Variants in PCDHGB1 observed in about 807,000 individuals in gnomAD.
PCDHGB1 encodes the protein protocadherin gamma-B1.
A neutral mutation model predicts 56.6 loss-of-function variants in PCDHGB1; 34 were observed. The ratio of observed to expected loss-of-function variants is 0.60; its 90% CI spans 0.46 to 0.80. The LOEUF is 0.80. PCDHGB1 is among the 30% of genes least tolerant of loss of function. PCDHGB1 has a pLI of 0.00. For synonymous variants in PCDHGB1, 561 were observed against 505.9 expected (o/e 1.11, Z -1.46); for missense variants, 1,278 against 1,204.6 (o/e 1.06, Z -0.90).
At chr5:141,353,592 A>G (rs748446778) in intron 1 of PCDHGB1, among the ~76,000 whole-genome samples, 1 of 152,200 alleles carries the variant, frequency 6.6e-6, no homozygotes, top group Non-Finnish European at 1.5e-5. Context: ...ATATTTCATA[A>G]TTTTCTTAAC....
chr5:141,351,253 A>G lies in PCDHGB1; in HGVS notation c.993A>G (p.Ile331Met), dbSNP rs570182681. Reference protein sequence around the residue: ...GVHTAHCNVQIEIVDENDNAP... With the variant: ...GVHTAHCNVQMEIVDENDNAP... ...ACACAGCTCACTGTAATGTTCAAAT[A>G]GAAATTGTTGACGAGAATGACAATG... is the stretch of plus-strand genomic sequence containing the variant. The change falls in exon 1 of 4, where the codon ATA (isoleucine) becomes ATG (methionine). Residue 331 changes from isoleucine (I) to methionine (M), a missense_variant. By Grantham distance (10) the Ile-to-Met change is conservative (BLOSUM62 1). Coordinates refer to ENST00000523390, the MANE Select transcript of PCDHGB1 (RefSeq NM_018922.3). The G allele has an allele frequency of 6.2e-6, 10 of 1,614,014 alleles. No homozygotes were observed. In the South Asian group the frequency reaches 1.1e-4, roughly 18 times the overall value.
intron 1 of PCDHGB1, chr5:141,414,450 A>C (rs759840643): frequency 9.3e-6 from 15 of 1,613,772 alleles, no homozygotes. Context: ...ACAATATCAC[A>C]GTGACAGCCA....
intron 1 of PCDHGB1, chr5:141,400,231 G>C: frequency 6.2e-7 from 1 of 1,613,988 alleles, no homozygotes; most frequent in South Asian, 1.1e-5. Context: ...CTTCCTCCTG[G>C]CCGTGATTCT....
intron 1 of PCDHGB1, among the ~76,000 whole-genome samples, chr5:141,437,505 A>G (rs1429147239): frequency 6.6e-6 from 1 of 152,204 alleles, no homozygotes; most frequent in Non-Finnish European, 1.5e-5. Context: ...TTTTCAATGA[A>G]TTATAAGGCT....
chr5:141,431,222 C>T lies in PCDHGB1; in HGVS notation c.2410-63585C>T. On this transcript the variant is annotated intron_variant, in intron 1 of 3. Transcript: ENST00000523390. The surrounding 1 kb of genome is among the most constrained non-coding windows in gnomAD (Gnocchi z 4.8). ...AGCCACTGAGATGCGGTTCCCTCTA[C>T]CCCACGCCTGGGATCCGGATATCGG... The T allele has an allele frequency of 6.2e-7, 1 of 1,614,170 alleles. No individual in the cohort carries two copies. Among genetic ancestry groups the T allele is most frequent in the South Asian group, 1.1e-5 (1 of 91,090 alleles).
At position 141,485,930 on chromosome 5, in the gene PCDHGB1, G is replaced by C; in HGVS notation, c.2410-8877G>C. ...ATCCAGCTACAGGATTAGTGTGTTGGAGAGCGCACCAGCGGGCATGGTGCT... is the reference window on the plus strand; with the variant it reads ...ATCCAGCTACAGGATTAGTGTGTTGCAGAGCGCACCAGCGGGCATGGTGCT... On this transcript the variant is annotated intron_variant, in intron 1 of 3. Coordinates refer to ENST00000523390, the MANE Select transcript of PCDHGB1 (RefSeq NM_018922.3). The surrounding 1 kb of genome is among the most constrained non-coding windows in gnomAD (Gnocchi z 5.7). 6.2e-7 allele frequency: 1 copy of C among 1,614,178 alleles called. No homozygotes were observed. The highest frequency in any genetic ancestry group is 8.5e-7 in the Non-Finnish European group (1 of 1,180,042).
At chr5:141,469,569 G>A (rs975304006) in intron 1 of PCDHGB1, among the ~76,000 whole-genome samples, 1 of 152,122 alleles carries the variant, frequency 6.6e-6, no homozygotes, top group Non-Finnish European at 1.5e-5. Flanking sequence ...GTGAGACTCT[G>A]TCTCTAAATA....
At chr5:141,408,410 G>C (rs1329403051) in intron 1 of PCDHGB1, 1 of 1,613,932 alleles carries the variant, frequency 6.2e-7, no homozygotes, top group African/African-American at 1.3e-5. Flanking sequence ...GCGAGTGAGC[G>C]CGGAGAAGCT....
At position 141,477,107 on chromosome 5, in the gene PCDHGB1, C is replaced by A. The variant is rs1431445150; in HGVS notation, c.2410-17700C>A. ...CCAGGCCAAAGACAAGGGCGCCAAT[C>A]CCGAAGGAGCACATTGCAAAGTGTT... On this transcript the variant is annotated intron_variant, in intron 1 of 3. Coordinates refer to ENST00000523390, the MANE Select transcript of PCDHGB1 (RefSeq NM_018922.3). This position sits in a 1 kb window ranked among gnomAD's most constrained non-coding sequence, Gnocchi z 4.9. 1 of 1,614,252 alleles carries A rather than the reference C, an allele frequency of 6.2e-7. No homozygotes were observed. The highest frequency in any genetic ancestry group is 8.5e-7 in the Non-Finnish European group (1 of 1,180,048).
chr5:141,362,137 C>T (rs1458069955), intron 1 of PCDHGB1: 1 of 1,614,034 alleles, frequency 6.2e-7, no homozygotes, highest in Admixed American at 1.7e-5. Flanking sequence ...CGCGGATAGC[C>T]TGCAAGAGGT....
chr5:141,463,938 T>A (rs1378018670), intron 1 of PCDHGB1, among the ~76,000 whole-genome samples: 3 of 152,168 alleles, frequency 2.0e-5, no homozygotes, highest in Non-Finnish European at 4.4e-5. Context: ...TATAAATTTA[T>A]AGAAATCTTC....
At chr5:141,444,125 C>A (rs1459174213) in intron 1 of PCDHGB1, among the ~76,000 whole-genome samples, 2 of 130,784 alleles carry the variant, frequency 1.5e-5, no homozygotes, top group African/African-American at 5.7e-5. Flanking sequence ...AGTATCTCAA[C>A]AGATATGTGT....
At chr5:141,365,820 A>G in intron 1 of PCDHGB1, 1 of 1,613,898 alleles carries the variant, frequency 6.2e-7, no homozygotes, top group East Asian at 2.2e-5. Context: ...GACACATTTC[A>G]GGGGGCGCCC....
At chr5:141,437,426 C>G (rs531265278) in intron 1 of PCDHGB1, among the ~76,000 whole-genome samples, 2 of 152,150 alleles carry the variant, frequency 1.3e-5, no homozygotes, top group Non-Finnish European at 2.9e-5. Context: ...CTTTTTGAAG[C>G]AGCAATAGCA....
At chr5:141,393,088 G>A in intron 1 of PCDHGB1, 3 of 1,613,648 alleles carry the variant, frequency 1.9e-6, no homozygotes, top group Non-Finnish European at 2.5e-6. Context: ...AGGATAGATC[G>A]GGAGGAGCTC....
chr5:141,408,549 T>C, intron 1 of PCDHGB1: 1 of 1,614,016 alleles, frequency 6.2e-7, no homozygotes, highest in Non-Finnish European at 8.5e-7. Flanking sequence ...CCTTTAAATA[T>C]TTTTCATGTC....
chr5:141,417,226 T>A (rs966071761), intron 1 of PCDHGB1: 4 of 152,134 alleles, frequency 2.6e-5, no homozygotes, highest in Admixed American at 1.3e-4. Flanking sequence ...GACAAAAAAA[T>A]TTGTTGCTTA....
At chr5:141,362,694 C>A in intron 1 of PCDHGB1, 1 of 1,100,690 alleles carries the variant, frequency 9.1e-7, no homozygotes. Flanking sequence ...TCTTATCTAA[C>A]TGAATTTTAA....
At chr5:141,397,978 C>G in intron 1 of PCDHGB1, 1 of 1,261,722 alleles carries the variant, frequency 7.9e-7, no homozygotes, top group Non-Finnish European at 1.1e-6. Flanking sequence ...CAGCGCCGGC[C>G]TTTACACCGC....
Sources: allele counts gnomAD v4.1 joint callset (sites outside exome capture counted in the v4.1 genomes callset), GRCh38; gene constraint gnomAD v4.1.1; non-coding constraint Gnocchi (gnomAD v3.1); transcripts MANE v1.5; gene names NCBI Gene and HGNC (gene_info 2026-07-23, HGNC 2026-07-21).